Variants in PCDH15 observed in about 807,000 individuals in gnomAD.
The protein encoded by PCDH15 is protocadherin-15.
A neutral mutation model predicts 178.5 loss-of-function variants in PCDH15; 129 were observed. The observed-to-expected ratio is 0.72, with a 90% CI of 0.63 to 0.84. The LOEUF (loss-of-function observed/expected upper bound fraction) is 0.84. PCDH15 is among the 40% of genes least tolerant of loss of function. The pLI, the probability that PCDH15 is intolerant of heterozygous loss-of-function variation, is 0.00. For synonymous variants in PCDH15, 800 were observed against 732.0 expected (o/e 1.09, Z -1.50); for missense variants, 2,230 against 2,099.9 (o/e 1.06, Z -1.21).
At chr10:54,663,160 ATTGT>A (rs1303356121) in intron 2 of PCDH15, among the ~76,000 whole-genome samples, 1 of 152,034 alleles carries the variant, frequency 6.6e-6, no homozygotes, top group East Asian at 1.9e-4. Context: ...CAACTTGAAC[ATTGT>A]TTGTGAAAAA....
intron 19 of PCDH15, among the ~76,000 whole-genome samples, chr10:54,021,352 G>A (rs982000592): frequency 1.3e-5 from 2 of 151,812 alleles, no homozygotes; most frequent in African/African-American, 4.8e-5. Context: ...CCTCAGCCTT[G>A]GTCTCCTCCA....
chr10:54,721,571 T>G (rs909762642), intron 1 of PCDH15, among the ~76,000 whole-genome samples: 1 of 151,586 alleles, frequency 6.6e-6, no homozygotes, highest in African/African-American at 2.4e-5. Context: ...ATACAAAAGA[T>G]TATAAGAGAC....
At chr10:55,550,455 G>A (rs922333952) in intron 2 of PCDH15, among the ~76,000 whole-genome samples, 25 of 152,102 alleles carry the variant, frequency 1.6e-4, no homozygotes, top group Admixed American at 1.5e-3. Flanking sequence ...TATGGACTCC[G>A]TGTTCTTATA....
chr10:54,918,110 G>A (rs1223257728), intron 2 of PCDH15, among the ~76,000 whole-genome samples: 1 of 148,490 alleles, frequency 6.7e-6, no homozygotes, highest in Non-Finnish European at 1.5e-5. Flanking sequence ...TATGCAAAAT[G>A]CATTTTTTTC....
In PCDH15 at chr10:55,424,507, G is replaced by A. The variant is rs147339074; in HGVS notation, c.-156+203118C>T. The stretch of plus-strand genomic sequence containing the variant: ...GGGCATCTTTTCTGGCTCGCAATTA[G>A]GTAACAATGCCTCATCTAATTGTAG... On this transcript the variant is annotated intron_variant, in intron 2 of 5. Transcript: ENST00000613346. 1.3e-3 allele frequency among the ~76,000 whole-genome samples: 199 copies of A among 152,182 alleles called. 3 individuals carry two copies. The highest frequency in any genetic ancestry group is 4.8e-3 in the African/African-American group (198 of 41,522).
chr10:54,917,998 ATTTTCTCCCTGATTTTATTCAAAGC>A (rs67872308), intron 2 of PCDH15, among the ~76,000 whole-genome samples: 120,388 of 151,746 alleles, frequency 0.79, 48,523 homozygotes, highest in Non-Finnish European at 0.87. Context: ...TACGATAGTG[ATTTTCTCCCTGATTTTATTCAAAGC>A]TTTTCTCCCT....
intron 2 of PCDH15, among the ~76,000 whole-genome samples, chr10:55,384,006 T>G (rs1176022227): frequency 6.6e-6 from 1 of 152,188 alleles, no homozygotes; most frequent in Admixed American, 6.5e-5. Context: ...AAGCATTGAA[T>G]TTTTCATACT....
Position 54,193,642 on chromosome 10 carries a change from T to C in PCDH15, c.1305+2041A>G, listed in dbSNP as rs1156953950. On this transcript the variant is annotated intron_variant, in intron 11 of 37. Coordinates refer to ENST00000644397, the MANE Select transcript of PCDH15 (RefSeq NM_001384140.1). ...TTCCTGTGACTCATGAAACCCACTA[T>C]ACATCAGAGAATCCCTAAATTCTCT... Among the ~76,000 whole-genome samples the C allele has an allele frequency of 2.0e-5, 3 of 152,268 alleles. No homozygotes were observed. The East Asian group carries it at 5.8e-4, about 29-fold the overall frequency.
chr10:54,449,613 A>C lies in PCDH15; in HGVS notation c.158-70671T>G, dbSNP rs538392977. ...AAAACTGAACTGTAGGTTTTGAGAAAGATTCTAATAACAAGAAAAATGTAC... is the reference window on the plus strand; with the variant it reads ...AAAACTGAACTGTAGGTTTTGAGAACGATTCTAATAACAAGAAAAATGTAC... On this transcript the variant is annotated intron_variant, in intron 3 of 37. Coordinates refer to ENST00000644397, the MANE Select transcript of PCDH15 (RefSeq NM_001384140.1). Among the ~76,000 whole-genome samples the C allele has an allele frequency of 2.0e-5, 3 of 152,012 alleles. No homozygotes were observed. In the East Asian group the frequency reaches 5.8e-4, roughly 29 times the overall value.
intron 15 of PCDH15, among the ~76,000 whole-genome samples, chr10:54,103,055 G>A (rs2136173547): frequency 6.6e-6 from 1 of 152,302 alleles, no homozygotes; most frequent in East Asian, 1.9e-4. Flanking sequence ...TTGGTGGGTA[G>A]TGTAATGGGA....
chr10:55,553,279 A>G (rs1229025516), intron 2 of PCDH15, among the ~76,000 whole-genome samples: 1 of 151,594 alleles, frequency 6.6e-6, no homozygotes, highest in East Asian at 1.9e-4. Flanking sequence ...TCTGATTCTC[A>G]AAGTACGCAA....
intron 13 of PCDH15, among the ~76,000 whole-genome samples, chr10:54,169,920 C>T (rs1486234389): frequency 6.6e-6 from 1 of 150,878 alleles, no homozygotes; most frequent in Non-Finnish European, 1.5e-5. Context: ...AATTGTTTTG[C>T]CTATCCACCC....
At chr10:55,553,261 T>C (rs1278732075) in intron 2 of PCDH15, among the ~76,000 whole-genome samples, 1 of 151,376 alleles carries the variant, frequency 6.6e-6, no homozygotes, top group Non-Finnish European at 1.5e-5. Context: ...GTGGTTCACC[T>C]CTGGATTTCT....
intron 8 of PCDH15, among the ~76,000 whole-genome samples, chr10:54,261,429 T>A (rs1457775331): frequency 6.6e-6 from 1 of 151,876 alleles, no homozygotes; most frequent in Non-Finnish European, 1.5e-5. Flanking sequence ...ATATTGCTAA[T>A]TGAAAAAGAC....
chr10:54,441,370 A>G (rs2075780511), intron 3 of PCDH15, among the ~76,000 whole-genome samples: 1 of 151,962 alleles, frequency 6.6e-6, no homozygotes, highest in Non-Finnish European at 1.5e-5. Context: ...AAGAACTACT[A>G]TTAAACCCTG....
intron 2 of PCDH15, among the ~76,000 whole-genome samples, chr10:55,624,401 T>A (rs1837479593): frequency 6.6e-6 from 1 of 150,906 alleles, no homozygotes; most frequent in Non-Finnish European, 1.5e-5. Context: ...GCTGCATTTT[T>A]TTTTAATTTC....
intron 1 of PCDH15, among the ~76,000 whole-genome samples, chr10:54,756,056 A>AACACACACACAC (rs71014414): frequency 0.17 from 12,192 of 70,894 alleles, 696 homozygotes; most frequent in Non-Finnish European, 0.27. Context: ...CTCTACTAAA[A>AACACACACACAC]ACACACACAC....
intron 3 of PCDH15, among the ~76,000 whole-genome samples, chr10:54,499,726 G>A (rs187111514): frequency 5.7e-4 from 87 of 152,158 alleles, no homozygotes; most frequent in Admixed American, 1.3e-3. Context: ...AAGTTAGAAA[G>A]ATCTCAAATT....
intron 2 of PCDH15, among the ~76,000 whole-genome samples, chr10:55,544,258 G>C (rs1290948995): frequency 6.8e-6 from 1 of 147,348 alleles, no homozygotes; most frequent in Non-Finnish European, 1.5e-5. Flanking sequence ...TGAAATTATG[G>C]CTTTTAGTGG....
Sources: allele counts gnomAD v4.1 joint callset (sites outside exome capture counted in the v4.1 genomes callset), GRCh38; gene constraint gnomAD v4.1.1; transcripts MANE v1.5; gene names NCBI Gene and HGNC (gene_info 2026-07-23, HGNC 2026-07-21).